The following ASB3 variants were observed in gnomAD, a reference collection of about 807,000 sequenced individuals.
ASB3 encodes ankyrin repeat and SOCS box containing 3, also known as ankyrin repeat and SOCS box protein 3.
ASB3 carries 41 observed loss-of-function variants against 54.5 expected under a neutral mutation model. The ratio of observed to expected loss-of-function variants is 0.75; its 90% CI spans 0.59 to 0.98. The LOEUF is 0.98. Among genes scored for constraint, ASB3 ranks in the 50% least tolerant of loss-of-function variants. The pLI is 0.00. For missense variants in ASB3, 733 were observed against 620.0 expected (o/e 1.18, Z -1.94); for synonymous variants, 266 against 221.2 (o/e 1.20, Z -1.80).
intron 2 of ASB3, among the ~76,000 whole-genome samples, chr2:53,752,150 ATTAATAAAC>A (rs1362979908): frequency 7.9e-5 from 12 of 152,224 alleles, no homozygotes; most frequent in South Asian, 4.1e-4. Flanking sequence ...TCCCAAAATA[ATTAATAAAC>A]TTAATACACT....
chr2:53,687,993 T>C (rs1263084588), intron 9 of ASB3, among the ~76,000 whole-genome samples: 2 of 152,122 alleles, frequency 1.3e-5, no homozygotes, highest in African/African-American at 2.4e-5. Context: ...AATTTTCTTA[T>C]TTTATTTTGT....
chr2:53,730,224 A>G lies in ASB3; in HGVS notation c.356-654T>C, dbSNP rs1671224794. Reference sequence around the variant, plus strand: ...AATTTAAGCACGAAGTTAATGAAAAACAGAATGCCAGAATAGAATTACAAA... The same window carrying G: ...AATTTAAGCACGAAGTTAATGAAAAGCAGAATGCCAGAATAGAATTACAAA... On this transcript the variant is annotated intron_variant, in intron 3 of 9. Transcript: ENST00000263634. Among the ~76,000 whole-genome samples the G allele has an allele frequency of 2.6e-5, 4 of 152,332 alleles. No individual in the cohort carries two copies. In the South Asian group the frequency reaches 8.3e-4, roughly 32 times the overall value.
At chr2:53,740,776 A>T (rs1671890481) in intron 3 of ASB3, among the ~76,000 whole-genome samples, 1 of 152,210 alleles carries the variant, frequency 6.6e-6, no homozygotes, top group African/African-American at 2.4e-5. Context: ...AGACAGGGAG[A>T]AGTCTAATGG....
In ASB3 at chr2:53,700,425, G is replaced by A. The variant is rs201190425; in HGVS notation, c.1084C>T (p.Arg362Cys). 5.0e-5 allele frequency: 81 copies of A among 1,614,034 alleles called. No homozygotes were observed. The East Asian group carries it at 1.2e-3, about 24-fold the overall frequency. ...CLKYEKFSIF[R>C]YFLRKGCSLG... The stretch of plus-strand genomic sequence containing the variant: ...GAGCAACCTTTCCTCAAAAAGTAGC[G>A]AAATATCGAAAACTTCTCGTACTTC... The change falls in exon 8 of 10, where the codon CGC becomes TGC. Residue 362 changes from arginine to cysteine, a missense_variant. Arg to Cys is a radical substitution (Grantham distance 180, BLOSUM62 -3). Coordinates refer to ENST00000263634, the MANE Select transcript of ASB3 (RefSeq NM_016115.5).
At chr2:53,737,670 A>C (rs1248700035) in intron 3 of ASB3, among the ~76,000 whole-genome samples, 1 of 149,224 alleles carries the variant, frequency 6.7e-6, no homozygotes, top group East Asian at 2.1e-4. Flanking sequence ...AGGAAGGGGA[A>C]GGATGTCTCC....
At chr2:53,690,566 T>C (rs553990489) in intron 9 of ASB3, among the ~76,000 whole-genome samples, 4 of 152,268 alleles carry the variant, frequency 2.6e-5, no homozygotes, top group Admixed American at 2.6e-4. Context: ...AATGGGTTTA[T>C]TTTATCTTAT....
chr2:53,720,414 G>C (rs1670638485), intron 5 of ASB3, among the ~76,000 whole-genome samples: 1 of 152,002 alleles, frequency 6.6e-6, no homozygotes, highest in South Asian at 2.1e-4. Flanking sequence ...CAGATATTTG[G>C]GGTTCACAGC....
intron 7 of ASB3, among the ~76,000 whole-genome samples, chr2:53,707,022 T>C (rs1669811217): frequency 6.6e-6 from 1 of 152,204 alleles, no homozygotes. Flanking sequence ...AGCTCTTCTT[T>C]TGCTGTGAAT....
At chr2:53,734,732 T>G (rs1671517740) in intron 3 of ASB3, among the ~76,000 whole-genome samples, 1 of 152,132 alleles carries the variant, frequency 6.6e-6, no homozygotes, top group Non-Finnish European at 1.5e-5. Context: ...GGCATTAAAT[T>G]CCCCATATTT....
chr2:53,784,536 T>C (rs1674826411), intron 1 of ASB3, among the ~76,000 whole-genome samples: 2 of 152,206 alleles, frequency 1.3e-5, no homozygotes, highest in South Asian at 4.1e-4. Context: ...AGCAGGGCTA[T>C]TCTCTCTCTC....
Position 53,715,352 on chromosome 2 carries a change from T to A in ASB3, c.783-771A>T, listed in dbSNP as rs182360822. ...CTTTCTGGGAAAAGACAGACAGGGC[T>A]ACTCTGAAGTATTTTCATAGTATTA... is the stretch of plus-strand genomic sequence containing the variant. On this transcript the variant is annotated intron_variant, in intron 6 of 9. Transcript: ENST00000263634. 1.1e-4 allele frequency among the ~76,000 whole-genome samples: 16 copies of A among 152,334 alleles called. No homozygotes were observed. The East Asian group carries it at 1.3e-3, about 13-fold the overall frequency.
chr2:53,752,970 A>G (rs1194995599), intron 2 of ASB3, among the ~76,000 whole-genome samples: 1 of 152,180 alleles, frequency 6.6e-6, no homozygotes, highest in East Asian at 1.9e-4. Flanking sequence ...AAGAAAAAAA[A>G]GACATAAAGT....
chr2:53,745,191 T>A (rs1428584978), intron 3 of ASB3, among the ~76,000 whole-genome samples: 1 of 152,126 alleles, frequency 6.6e-6, no homozygotes, highest in Non-Finnish European at 1.5e-5. Context: ...TACCTACCCT[T>A]AGAATATTTA....
In ASB3 at chr2:53,686,816, G is replaced by C. The variant is rs577021630; in HGVS notation, c.1369+7068C>G. ...ACTGCAACCTCCACCTCCTGCAGGAGAATCAAGCGATTCTCCTGCCTCAGC... is the reference window on the plus strand; with the variant it reads ...ACTGCAACCTCCACCTCCTGCAGGACAATCAAGCGATTCTCCTGCCTCAGC... On this transcript the variant is annotated intron_variant, in intron 9 of 9. Transcript: ENST00000263634. Among the ~76,000 whole-genome samples the C allele has an allele frequency of 4.6e-5, 7 of 152,198 alleles. No homozygotes were observed. The East Asian group carries it at 1.2e-3, about 25-fold the overall frequency.
intron 3 of ASB3, among the ~76,000 whole-genome samples, chr2:53,744,574 G>GTCC (rs1292661897): frequency 2.6e-5 from 4 of 151,810 alleles, no homozygotes; most frequent in African/African-American, 9.7e-5. Flanking sequence ...TAAAGAACAT[G>GTCC]TCCTCAAGTA....
At chr2:53,713,458 A>G (rs924908410) in intron 7 of ASB3, among the ~76,000 whole-genome samples, 4 of 152,222 alleles carry the variant, frequency 2.6e-5, no homozygotes, top group Non-Finnish European at 5.9e-5. Context: ...CTTTATTCTT[A>G]GTGTTTTAAA....
intron 1 of ASB3, among the ~76,000 whole-genome samples, chr2:53,785,373 C>A (rs1276702139): frequency 2.0e-5 from 3 of 151,910 alleles, no homozygotes; most frequent in Non-Finnish European, 4.4e-5. Flanking sequence ...ATTTTTATTC[C>A]GTCAAATACA....
intron 9 of ASB3, among the ~76,000 whole-genome samples, chr2:53,671,281 C>A (rs1016084369): frequency 6.6e-6 from 1 of 151,374 alleles, no homozygotes; most frequent in East Asian, 1.9e-4. Flanking sequence ...TTTAAAAAAA[C>A]AACTTTCCAA....
At chr2:53,692,955 T>C (rs553348741) in intron 9 of ASB3, among the ~76,000 whole-genome samples, 2 of 152,336 alleles carry the variant, frequency 1.3e-5, no homozygotes, top group South Asian at 2.1e-4. Flanking sequence ...ACAGTTTGAA[T>C]ACACCTCAGT....
Sources: gnomAD v4.1 joint callset for allele counts (sites outside exome capture counted in the v4.1 genomes callset) on GRCh38, gnomAD v4.1.1 for gene constraint, MANE v1.5 for transcripts, NCBI Gene and HGNC (gene_info 2026-07-23, HGNC 2026-07-21) for gene names.